Variants in GAGE2A observed in about 807,000 individuals in gnomAD.
GAGE2A encodes the protein G antigen 2A, also known as G antigen 2A/2B.
At chrX:49,591,482 G>T (rs1402945092) in intron 3 of GAGE2A, among the ~76,000 whole-genome samples, 165 bp downstream of exon 3, 3 of 97,818 alleles carry the variant, frequency 3.1e-5, no homozygotes, top group African/African-American at 1.1e-4. Context: ...GAAAAGCGAG[G>T]AGGCTATGTA....
At chrX:49,591,651 T>G (rs2066599831) in intron 3 of GAGE2A, among the ~76,000 whole-genome samples, 1 of 81,353 alleles carries the variant, frequency 1.2e-5, no homozygotes, top group Non-Finnish European at 2.8e-5. Context: ...TCCTATCATG[T>G]ATGTTGCTGT....
chrX:49,591,007 G>A (rs1255076248), intron 2 of GAGE2A, among the ~76,000 whole-genome samples, 190 bp from the exon 3 acceptor site: 6 of 114,629 alleles, frequency 5.2e-5, no homozygotes, highest in African/African-American at 1.9e-4. Context: ...CAAAGTCCTC[G>A]TGCGTCACTT....
chrX:49,589,930 G>C (rs1343115539), intron 1 of GAGE2A, among the ~76,000 whole-genome samples: 428 of 111,654 alleles, frequency 3.8e-3, no homozygotes, highest in African/African-American at 0.014. Context: ...GGCCCCCGGC[G>C]GGGGCGAGGC....
At chrX:49,590,357 T>C (rs1557130191) in intron 1 of GAGE2A, among the ~76,000 whole-genome samples, 1 of 114,665 alleles carries the variant, frequency 8.7e-6, no homozygotes, top group African/African-American at 3.2e-5. Context: ...ATCACGCCGC[T>C]GCACTCCAGC....
Position 49,596,692 on chromosome X carries a change from CGTT to C in GAGE2A, c.329-16_329-14del, listed in dbSNP as rs2066607318. The C allele has an allele frequency of 3.2e-5, 4 of 124,614 alleles. No individual in the cohort carries two copies. The highest frequency in any genetic ancestry group is 3.1e-4 in the African/African-American group (1 of 3,192). The allele number at this position is 124,614 out of a possible 1,213,427, so 10.3% of individuals were successfully genotyped here. The stretch of plus-strand genomic sequence containing the variant: ...TCTGTTGCTAAGTCATGTTCCCAAT[CGTT>C]GTGTTTCTGTTACAGGTGAAAAGCA... On this transcript the variant is annotated splice_polypyrimidine_tract_variant and intron_variant, in intron 4 of 4. Transcript: ENST00000362097.
intron 3 of GAGE2A, among the ~76,000 whole-genome samples, chrX:49,591,600 G>T (rs1274506114): frequency 2.0e-5 from 2 of 98,161 alleles, no homozygotes; most frequent in African/African-American, 7.2e-5. Context: ...ACCCTTGACT[G>T]GTGAATACAA....
chrX:49,589,917 TG>T (rs1469133175), intron 1 of GAGE2A, among the ~76,000 whole-genome samples: 72 of 111,466 alleles, frequency 6.5e-4, no homozygotes, highest in Non-Finnish European at 8.3e-4. Flanking sequence ...ATTCCCTGAA[TG>T]GGGCCCCCGG....
chrX:49,591,535 T>A (rs1294794031), intron 3 of GAGE2A, among the ~76,000 whole-genome samples: 9 of 102,153 alleles, frequency 8.8e-5, no homozygotes, highest in African/African-American at 3.2e-4. Context: ...ATGATAAAAG[T>A]TCTCGACTTT....
intron 2 of GAGE2A, among the ~76,000 whole-genome samples, 186 bp from the exon 3 acceptor site, chrX:49,591,011 G>A (rs1304624238): frequency 1.7e-5 from 2 of 114,531 alleles, no homozygotes; most frequent in African/African-American, 6.4e-5. Flanking sequence ...GTCCTCGTGC[G>A]TCACTTTTCT....
At chrX:49,590,002 G>A (rs1213390357) in intron 1 of GAGE2A, among the ~76,000 whole-genome samples, 1 of 114,246 alleles carries the variant, frequency 8.8e-6, no homozygotes, top group Admixed American at 9.1e-5. Context: ...CCCCCCCAGC[G>A]GTGTGGAGTG....
At chrX:49,589,990 C>A (rs1375462531) in intron 1 of GAGE2A, among the ~76,000 whole-genome samples, 1 of 51,727 alleles carries the variant, frequency 1.9e-5, no homozygotes, top group Non-Finnish European at 6.1e-5. Context: ...GCCTGGCGAG[C>A]CCCCCCCCAG....
In GAGE2A at chrX:49,591,398, G is replaced by A. The variant is rs1374088332; in HGVS notation, c.202+81G>A. The A allele has an allele frequency of 2.3e-4, 217 of 943,211 alleles. 13 individuals carry two copies. The African/African-American group carries it at 3.7e-3, about 16-fold the overall frequency. 77.7% of individuals were successfully genotyped at this position (943,211 alleles called of 1,213,427 possible). The stretch of plus-strand genomic sequence containing the variant: ...TGTGTGTGTGTGCACGTGTGTGTGT[G>A]TGTGTGTTAGGCATTGTCACATAGG... On this transcript the variant is annotated intron_variant, in intron 3 of 4. Transcript: ENST00000362097.
chrX:49,591,035 C>T (rs2066594143), intron 2 of GAGE2A, among the ~76,000 whole-genome samples, 162 bp from the exon 3 acceptor site: 1 of 114,053 alleles, frequency 8.8e-6, no homozygotes, highest in African/African-American at 3.2e-5. Context: ...AGTATCCTCC[C>T]TGTGGGTGGA....
rs201712941 is a variant in GAGE2A at position 49,591,649 on chromosome X, T to C, written c.202+332T>C. On this transcript the variant is annotated intron_variant, in intron 3 of 4. Coordinates refer to ENST00000362097, the MANE Select transcript of GAGE2A (RefSeq NM_001127212.4). Reference sequence around the variant, plus strand: ...TTCCAAGGTTTGTGTCTTCCTATCATGTATGTTGCTGTAAAGAAGGAAGTG... The same window carrying C: ...TTCCAAGGTTTGTGTCTTCCTATCACGTATGTTGCTGTAAAGAAGGAAGTG... 8.6e-3 allele frequency among the ~76,000 whole-genome samples: 663 copies of C among 77,422 alleles called. 1 individual carries two copies. Among genetic ancestry groups the C allele is most frequent in the Non-Finnish European group, 0.016 (534 of 33,103 alleles). 67.2% of individuals were successfully genotyped at this position (77,422 alleles called of 115,157 possible).
chrX:49,591,040 G>T lies in GAGE2A; in HGVS notation c.82-157G>T, dbSNP rs1436783037. Reference sequence around the variant, plus strand: ...CTTTTCTCACAGTATCCTCCCTGTGGGTGGAGTAACCTTATTGGGCATAGA... The same window carrying T: ...CTTTTCTCACAGTATCCTCCCTGTGTGTGGAGTAACCTTATTGGGCATAGA... On this transcript the variant is annotated intron_variant, in intron 2 of 4. Coordinates refer to ENST00000362097, the MANE Select transcript of GAGE2A (RefSeq NM_001127212.4). Among the ~76,000 whole-genome samples the T allele has an allele frequency of 5.3e-5, 6 of 113,932 alleles. No homozygotes were observed. The East Asian group carries it at 8.3e-4, about 16-fold the overall frequency.
intron 1 of GAGE2A, among the ~76,000 whole-genome samples, chrX:49,590,161 A>C (rs1557130154): frequency 4.4e-5 from 5 of 114,690 alleles, no homozygotes; most frequent in African/African-American, 1.6e-4. Flanking sequence ...GTGTGCCCAA[A>C]GCAGCAATCA....
chrX:49,590,011 T>G (rs77556316), intron 1 of GAGE2A, among the ~76,000 whole-genome samples: 1 of 113,691 alleles, frequency 8.8e-6, no homozygotes, highest in African/African-American at 3.2e-5. Context: ...CGGTGTGGAG[T>G]GCGGAGCGCC....
chrX:49,589,958 C>T (rs1413349684), intron 1 of GAGE2A, among the ~76,000 whole-genome samples: 1 of 114,212 alleles, frequency 8.8e-6, no homozygotes, highest in African/African-American at 3.2e-5. Flanking sequence ...GAAGAAGGGG[C>T]CTGGCACCTG....
chrX:49,589,883 G>A (rs1420963770), intron 1 of GAGE2A, among the ~76,000 whole-genome samples: 9 of 113,552 alleles, frequency 7.9e-5, no homozygotes, highest in Non-Finnish European at 1.1e-4. Context: ...CCGAGGTGCC[G>A]GGATCCCCGA....
Sources: allele counts gnomAD v4.1 joint callset (sites outside exome capture counted in the v4.1 genomes callset), GRCh38; gene constraint gnomAD v4.1.1; transcripts MANE v1.5; gene names NCBI Gene and HGNC (gene_info 2026-07-23, HGNC 2026-07-21).